Variants in COL25A1 observed in about 807,000 individuals in gnomAD.
COL25A1 encodes the protein collagen type XXV alpha 1 chain, also known as collagen alpha-1(XXV) chain.
COL25A1 carries 103 observed loss-of-function variants against 128.4 expected under a neutral mutation model. The ratio of observed to expected loss-of-function variants is 0.80; its 90% confidence interval spans 0.68 to 0.94. The LOEUF (loss-of-function observed/expected upper bound fraction) is 0.94, where lower values mean the gene tolerates loss of function less well. Among genes scored for constraint, COL25A1 ranks in the 40% least tolerant of loss-of-function variants. The probability of loss-of-function intolerance (pLI) is 0.00; values close to 1 mark genes in which losing one functional copy is unlikely to be tolerated. For missense variants in COL25A1, 745 were observed against 840.0 expected (o/e 0.89, Z 1.40); for synonymous variants, 279 against 277.2 (o/e 1.01, Z -0.06).
At chr4:108,906,870 T>C (rs1002348072) in intron 13 of COL25A1, among the ~76,000 whole-genome samples, 1 of 152,112 alleles carries the variant, frequency 6.6e-6, no homozygotes, top group Admixed American at 6.5e-5. Context: ...GAGGAATGAA[T>C]GAATATAGGA....
intron 3 of COL25A1, among the ~76,000 whole-genome samples, chr4:109,261,612 T>C (rs1164849721): frequency 6.6e-6 from 1 of 152,218 alleles, no homozygotes; most frequent in Non-Finnish European, 1.5e-5. Context: ...AAAGTATCTG[T>C]TATGGTGCTC....
chr4:109,142,425 T>G (rs1479028648), intron 3 of COL25A1, among the ~76,000 whole-genome samples: 1 of 152,228 alleles, frequency 6.6e-6, no homozygotes, highest in African/African-American at 2.4e-5. Context: ...TGTAGATGTC[T>G]ATTAGGTCTG....
chr4:109,091,730 T>TG (rs1237889241), intron 3 of COL25A1, among the ~76,000 whole-genome samples: 1 of 146,070 alleles, frequency 6.8e-6, no homozygotes, highest in Non-Finnish European at 1.5e-5. Context: ...AATCTTTAGG[T>TG]GGAAAAAAAA....
At position 109,125,547 on chromosome 4, in the gene COL25A1, T is replaced by A. The variant is rs772443045; in HGVS notation, c.368-75368A>T. Among the ~76,000 whole-genome samples, 5 of 152,206 alleles carry A rather than the reference T, an allele frequency of 3.3e-5. No homozygotes were observed. In the South Asian group the frequency reaches 1.0e-3, roughly 31 times the overall value. On this transcript the variant is annotated intron_variant, in intron 3 of 37. Coordinates refer to ENST00000399132, the MANE Select transcript of COL25A1 (RefSeq NM_198721.4). ...AACCAAGTATTTCTAGAATACAAAC[T>A]GTCAACATTTCTTCGCTTCATTTCT...
chr4:108,906,361 C>T (rs1031950344), intron 13 of COL25A1, among the ~76,000 whole-genome samples: 41 of 152,100 alleles, frequency 2.7e-4, no homozygotes, highest in Admixed American at 1.5e-3. Flanking sequence ...TGCTCTCTCA[C>T]CTCCTTTAAC....
intron 8 of COL25A1, among the ~76,000 whole-genome samples, chr4:108,964,413 T>G (rs1332668109): frequency 7.1e-6 from 1 of 141,804 alleles, no homozygotes; most frequent in East Asian, 2.2e-4. Flanking sequence ...TCCTTCTTAC[T>G]TTCATATATT....
chr4:108,875,486 G>T (rs1739336531), intron 19 of COL25A1, among the ~76,000 whole-genome samples: 1 of 152,192 alleles, frequency 6.6e-6, no homozygotes, highest in East Asian at 1.9e-4. Context: ...GGTCATTAGA[G>T]AAATGAAAAT....
At chr4:108,925,842 G>T (rs1250128815) in intron 11 of COL25A1, among the ~76,000 whole-genome samples, 2 of 152,110 alleles carry the variant, frequency 1.3e-5, no homozygotes, top group Non-Finnish European at 2.9e-5. Flanking sequence ...TATGAATACA[G>T]CAAAGCCAAA....
At chr4:109,292,677 C>T (rs570529493) in intron 3 of COL25A1, among the ~76,000 whole-genome samples, 60 of 152,124 alleles carry the variant, frequency 3.9e-4, no homozygotes, top group African/African-American at 1.4e-3. Context: ...GGTAGTAGAA[C>T]AGAATTATAC....
At chr4:109,039,135 C>T (rs902398514) in intron 5 of COL25A1, among the ~76,000 whole-genome samples, 6 of 152,098 alleles carry the variant, frequency 3.9e-5, no homozygotes, top group Non-Finnish European at 5.9e-5. Context: ...GATCATTTTA[C>T]GTCCCCCCGC....
chr4:109,085,613 C>T (rs1198080218), intron 3 of COL25A1, among the ~76,000 whole-genome samples: 2 of 152,118 alleles, frequency 1.3e-5, no homozygotes, highest in Non-Finnish European at 2.9e-5. Flanking sequence ...CACAAAAAGC[C>T]ATCAAGGGAT....
At chr4:109,266,346 T>G (rs1263959514) in intron 3 of COL25A1, among the ~76,000 whole-genome samples, 1 of 152,320 alleles carries the variant, frequency 6.6e-6, no homozygotes, top group Middle Eastern at 3.4e-3. Flanking sequence ...GCTACAATTA[T>G]TCTCTGGAAA....
intron 3 of COL25A1, among the ~76,000 whole-genome samples, chr4:109,056,676 G>A (rs1761478693): frequency 6.6e-6 from 1 of 151,876 alleles, no homozygotes; most frequent in Non-Finnish European, 1.5e-5. Context: ...AATAAACGTG[G>A]GTGCATTATC....
chr4:109,158,962 T>C (rs1450243403), intron 3 of COL25A1, among the ~76,000 whole-genome samples: 1 of 152,106 alleles, frequency 6.6e-6, no homozygotes, highest in Admixed American at 6.5e-5. Context: ...CCAATGACAT[T>C]CTCATGAGTA....
At chr4:109,113,282 A>G (rs1173783003) in intron 3 of COL25A1, among the ~76,000 whole-genome samples, 1 of 152,102 alleles carries the variant, frequency 6.6e-6, no homozygotes, top group East Asian at 1.9e-4. Flanking sequence ...TTTGTCACCA[A>G]TGTGCAAACC....
At chr4:108,840,035 A>G (rs1056298828) in intron 31 of COL25A1, among the ~76,000 whole-genome samples, 3 of 151,998 alleles carry the variant, frequency 2.0e-5, no homozygotes, top group African/African-American at 7.2e-5. Context: ...TGGGGTCAGG[A>G]GTTCAAGACC....
chr4:109,091,476 G>T (rs191206080), intron 3 of COL25A1, among the ~76,000 whole-genome samples: 1 of 152,070 alleles, frequency 6.6e-6, no homozygotes. Context: ...GATGTCCTAT[G>T]TTGTTGTTTA....
intron 12 of COL25A1, among the ~76,000 whole-genome samples, chr4:108,919,179 T>C (rs983898509): frequency 1.3e-5 from 2 of 152,014 alleles, no homozygotes; most frequent in African/African-American, 4.8e-5. Context: ...AAAAAAATGG[T>C]CTGTAATTAT....
At position 108,819,269 on chromosome 4, in the gene COL25A1, C is replaced by T; in HGVS notation, c.1906G>A (p.Asp636Asn). 1 of 1,610,906 alleles carries T rather than the reference C, an allele frequency of 6.2e-7. No individual in the cohort carries two copies. Among genetic ancestry groups the T allele is most frequent in the Non-Finnish European group, 8.5e-7 (1 of 1,178,958 alleles). ...TACTGTACCAATTGGCAAGGGGCAT[C>T]CAGCCCATCCAGGCCAGGCTGGCCT... ...EPGQPGLDGL[D>N]APCQLGPDGL... Residue 636 changes from aspartate to asparagine, a missense_variant, in exon 36 of 38, where the codon GAT (aspartate) becomes AAT (asparagine). By Grantham distance (23) the Asp-to-Asn change is conservative (BLOSUM62 1). Around this residue, in one of 3 missense-constraint regions of COL25A1, gnomAD observed 387 missense variants for 441.9 expected, o/e 0.88. Transcript: ENST00000399132.
Sources: gnomAD v4.1 joint callset for allele counts (sites outside exome capture counted in the v4.1 genomes callset) on GRCh38, gnomAD v4.1.1 for gene constraint, gnomAD v4.1.1 regional missense constraint, MANE v1.5 for transcripts, NCBI Gene and HGNC (gene_info 2026-07-23, HGNC 2026-07-21) for gene names.